The following TENM2 variants were observed in gnomAD, a reference collection of about 807,000 sequenced individuals.
The protein encoded by TENM2 is teneurin-2.
A neutral mutation model predicts 245.2 loss-of-function variants in TENM2; 52 were observed. That is an observed-to-expected ratio of 0.21 (90% CI 0.17 to 0.27). The LOEUF is 0.27. Among genes scored for constraint, TENM2 ranks in the 10% least tolerant of loss-of-function variants. The pLI, the probability that TENM2 is intolerant of heterozygous loss-of-function variation, is 1.00. For missense variants in TENM2, 3,046 were observed against 3,666.8 expected, an observed-to-expected ratio of 0.83 and a Z score of 4.37; for synonymous variants, 1,363 against 1,438.9, an observed-to-expected ratio of 0.95 and a Z score of 1.19.
At position 168,115,065 on chromosome 5, in the gene TENM2, G is replaced by A. The variant is rs374155887; in HGVS notation, c.1814-3227G>A. Among the ~76,000 whole-genome samples, 13 of 152,006 alleles carry A rather than the reference G, an allele frequency of 8.6e-5. No individual in the cohort carries two copies. The East Asian group carries it at 1.5e-3, about 18-fold the overall frequency. On this transcript the variant is annotated intron_variant, in intron 9 of 28. Transcript: ENST00000518659. Reference sequence around the variant, plus strand: ...TCCCAGCACTTTGGGAGGCCAAGGCGGGTGGATCACCTGAGGTCAGGAGTT... The same window carrying A: ...TCCCAGCACTTTGGGAGGCCAAGGCAGGTGGATCACCTGAGGTCAGGAGTT...
chr5:167,724,840 G>T (rs905196393), intron 2 of TENM2, among the ~76,000 whole-genome samples: 1 of 152,134 alleles, frequency 6.6e-6, no homozygotes, highest in Admixed American at 6.5e-5. Flanking sequence ...TGTCGAGCCC[G>T]CAGTCGTAGT....
At chr5:167,326,501 C>T (rs1160186647) in intron 1 of TENM2, among the ~76,000 whole-genome samples, 3 of 151,632 alleles carry the variant, frequency 2.0e-5, no homozygotes, top group East Asian at 1.9e-4. Flanking sequence ...GTTGAAACCC[C>T]GTCTCTACTA....
At chr5:167,676,452 T>G (rs998802366) in intron 2 of TENM2, among the ~76,000 whole-genome samples, 17 of 152,244 alleles carry the variant, frequency 1.1e-4, no homozygotes, top group Admixed American at 5.2e-4. Context: ...TTATTCTTAT[T>G]TCTAATGTCT....
chr5:167,326,445 T>C (rs111448937), intron 1 of TENM2, among the ~76,000 whole-genome samples: 59 of 151,848 alleles, frequency 3.9e-4, no homozygotes, highest in African/African-American at 1.4e-3. Context: ...GAGGCTGAGG[T>C]GGGCAGATCA....
At chr5:167,075,468 G>T in the TENM2 span, among the ~76,000 whole-genome samples, 1 of 152,082 alleles carries the variant, frequency 6.6e-6, no homozygotes. Flanking sequence ...ATGGGGATGT[G>T]GGAAGAAAAA....
chr5:167,509,882 T>C (rs1035849193), intron 2 of TENM2, among the ~76,000 whole-genome samples: 6 of 152,168 alleles, frequency 3.9e-5, no homozygotes, highest in African/African-American at 1.4e-4. Flanking sequence ...CTAAGTTCTT[T>C]TGACTCCCAA....
At chr5:166,994,096 CAT>C in the TENM2 span, among the ~76,000 whole-genome samples, 1 of 152,154 alleles carries the variant, frequency 6.6e-6, no homozygotes, top group Non-Finnish European at 1.5e-5. Context: ...AGCTGTGTTA[CAT>C]TCAGCCAGGT....
intron 2 of TENM2, among the ~76,000 whole-genome samples, chr5:167,850,290 G>T (rs187546772): frequency 1.3e-5 from 2 of 152,236 alleles, no homozygotes; most frequent in Admixed American, 1.3e-4. Context: ...TGGATGATTT[G>T]GGGACCATTA....
chr5:167,494,311 A>C (rs1292945706), intron 2 of TENM2, among the ~76,000 whole-genome samples: 5 of 152,160 alleles, frequency 3.3e-5, no homozygotes, highest in Non-Finnish European at 7.4e-5. Context: ...AGGTGTAAAA[A>C]AAAACTTACC....
Position 167,448,405 on chromosome 5 carries a change from A to G in TENM2, c.502+72932A>G, listed in dbSNP as rs539782280. The stretch of plus-strand genomic sequence containing the variant: ...AAGCAATAAGCGTCTGTCTGTCTCC[A>G]GTTGTTTTTAATATTCTTGTTTAAT... On this transcript the variant is annotated intron_variant, in intron 2 of 28. Coordinates refer to ENST00000518659, the Ensembl canonical transcript of TENM2. Among the ~76,000 whole-genome samples the G allele has an allele frequency of 7.9e-5, 12 of 151,852 alleles. No homozygotes were observed. The East Asian group carries it at 2.1e-3, about 27-fold the overall frequency.
At chr5:167,015,979 G>T in the TENM2 span, among the ~76,000 whole-genome samples, 1 of 152,028 alleles carries the variant, frequency 6.6e-6, no homozygotes. Context: ...AGGTGACCAG[G>T]CACGGTGGCT....
intron 2 of TENM2, among the ~76,000 whole-genome samples, chr5:167,548,076 G>T (rs145367740): frequency 6.6e-6 from 1 of 152,194 alleles, no homozygotes; most frequent in African/African-American, 2.4e-5. Context: ...TCCCCAGGAT[G>T]AGAGGTTTGA....
At chr5:167,770,335 A>G (rs1284770643) in intron 2 of TENM2, among the ~76,000 whole-genome samples, 4 of 152,120 alleles carry the variant, frequency 2.6e-5, no homozygotes, top group African/African-American at 7.2e-5. Flanking sequence ...ACAGGTGGCA[A>G]GTTAGACAAG....
At chr5:167,059,688 T>TTGATACTTCAAATGCTTATC in the TENM2 span, among the ~76,000 whole-genome samples, 3 of 143,540 alleles carry the variant, frequency 2.1e-5, no homozygotes, top group South Asian at 4.3e-4. Context: ...AAATGCTTAT[T>TTGATACTTCAAATGCTTATC]TGATAGAATA....
intron 8 of TENM2, among the ~76,000 whole-genome samples, chr5:168,096,617 A>G (rs892422192): frequency 2.6e-5 from 4 of 152,216 alleles, no homozygotes; most frequent in Non-Finnish European, 4.4e-5. Context: ...CGAAGTTTCA[A>G]TCCAGAGTGG....
At chr5:167,386,263 T>C (rs1254691917) in intron 2 of TENM2, among the ~76,000 whole-genome samples, 4 of 152,154 alleles carry the variant, frequency 2.6e-5, no homozygotes, top group African/African-American at 4.8e-5. Flanking sequence ...TCCCTGATCA[T>C]TAGTGATGTT....
At chr5:167,565,091 G>A (rs1043463886) in intron 2 of TENM2, among the ~76,000 whole-genome samples, 16 of 152,236 alleles carry the variant, frequency 1.1e-4, no homozygotes, top group African/African-American at 3.9e-4. Context: ...CTGCAACAGA[G>A]TGCTAACAAT....
At position 167,635,629 on chromosome 5, in the gene TENM2, C is replaced by T. The variant is rs535731183; in HGVS notation, c.503-240357C>T. On this transcript the variant is annotated intron_variant, in intron 2 of 28. Coordinates refer to ENST00000518659, the Ensembl canonical transcript of TENM2. Reference sequence around the variant, plus strand: ...ACAAGGAATCTGGCTATGATCAGTACAGTCTTTTTTTTTTTTTTTTTTTTT... The same window carrying T: ...ACAAGGAATCTGGCTATGATCAGTATAGTCTTTTTTTTTTTTTTTTTTTTT... Among the ~76,000 whole-genome samples, 8 of 104,162 alleles carry T rather than the reference C, an allele frequency of 7.7e-5. No homozygotes were observed. In the South Asian group the frequency reaches 2.0e-3, roughly 26 times the overall value. 68.3% of individuals were successfully genotyped at this position (104,162 alleles called of 152,430 possible).
At chr5:167,646,208 T>TATATATATATGTTGTTTTC (rs1779948882) in intron 2 of TENM2, among the ~76,000 whole-genome samples, 2 of 132,400 alleles carry the variant, frequency 1.5e-5, no homozygotes, top group African/African-American at 6.7e-5. Context: ...TTCATATATA[T>TATATATATATGTTGTTTTC]ATATATATAT....
Sources: allele counts gnomAD v4.1 joint callset (sites outside exome capture counted in the v4.1 genomes callset), GRCh38; gene constraint gnomAD v4.1.1; transcripts MANE v1.5; gene names NCBI Gene and HGNC (gene_info 2026-07-23, HGNC 2026-07-21).